The following ANKRD13C variants were observed in gnomAD, a reference collection of about 807,000 sequenced individuals.
ANKRD13C encodes ankyrin repeat domain-containing protein 13C.
In ANKRD13C, 16 loss-of-function variants were observed where a neutral mutation model predicts 65.5. The observed-to-expected ratio is 0.24, with a 90% CI of 0.17 to 0.37. The LOEUF (loss-of-function observed/expected upper bound fraction) is 0.37, where lower values mean the gene tolerates loss of function less well. Among genes scored for constraint, ANKRD13C ranks in the 10% least tolerant of loss-of-function variants. The pLI is 1.00. For missense variants in ANKRD13C, 503 were observed against 655.9 expected (o/e 0.77, Z 2.55); for synonymous variants, 235 against 238.7 (o/e 0.98, Z 0.14).
intron 9 of ANKRD13C, among the ~76,000 whole-genome samples, chr1:70,291,277 T>A (rs1679856646): frequency 6.6e-6 from 1 of 152,156 alleles, no homozygotes; most frequent in Admixed American, 6.5e-5. Context: ...CACCTTGGCC[T>A]CCCAAAGTGC....
At chr1:70,271,318 A>G (rs1678869215) in intron 11 of ANKRD13C, among the ~76,000 whole-genome samples, 1 of 152,170 alleles carries the variant, frequency 6.6e-6, no homozygotes, top group Non-Finnish European at 1.5e-5. Flanking sequence ...ATTGCTTCTT[A>G]TCTTTAAAGG....
At chr1:70,310,513 G>T (rs2101440486) in intron 5 of ANKRD13C, among the ~76,000 whole-genome samples, 1 of 152,170 alleles carries the variant, frequency 6.6e-6, no homozygotes, top group Middle Eastern at 3.4e-3. Context: ...TCTCAAAGAA[G>T]AAATACTTTG....
chr1:70,296,389 T>C (rs2101300264), intron 7 of ANKRD13C, 128 bp from the exon 8 acceptor site: 4 of 899,416 alleles, frequency 4.4e-6, no homozygotes, highest in East Asian at 5.1e-5. Flanking sequence ...TTCTAAATAA[T>C]GTGAAGTGTT....
chr1:70,327,917 T>C (rs1215167768), intron 2 of ANKRD13C, among the ~76,000 whole-genome samples: 2 of 151,838 alleles, frequency 1.3e-5, no homozygotes, highest in African/African-American at 2.4e-5. Context: ...ACAAAAAAAT[T>C]AGCCAGGCAT....
chr1:70,300,777 C>T lies in ANKRD13C; in HGVS notation c.908G>A (p.Arg303Gln), dbSNP rs747979372. 5 of 1,607,282 alleles carry T rather than the reference C, an allele frequency of 3.1e-6. No homozygotes were observed. Among genetic ancestry groups the T allele is most frequent in the South Asian group, 1.1e-5 (1 of 89,852 alleles). Residue 303 changes from arginine (R) to glutamine (Q), a missense_variant, in exon 7 of 13, where the codon CGA becomes CAA. This residue lies in a region of ANKRD13C where 300 missense variants were observed against 478.3 expected (regional missense o/e 0.63). Coordinates refer to ENST00000370944, the MANE Select transcript of ANKRD13C (RefSeq NM_030816.5). ...CAACATGCTCACCTCATGATGTATTCGCTGATAAACTTTTTGTTCATTGTC... is the reference window on the plus strand; with the variant it reads ...CAACATGCTCACCTCATGATGTATTTGCTGATAAACTTTTTGTTCATTGTC... ...VLDNEQKVYQ[R>Q]IHHEESEMET...
At position 70,328,073 on chromosome 1, in the gene ANKRD13C, TAAC is replaced by T. The variant is rs1000802742; in HGVS notation, c.473-3119_473-3117del. On this transcript the variant is annotated intron_variant, in intron 2 of 12. Transcript: ENST00000370944. ...AACACAAACAAATAAAACAAACAAA[TAAC>T]AACAAAAAAATTTATATATATAAAA... Among the ~76,000 whole-genome samples, 22 of 151,016 alleles carry T rather than the reference TAAC, an allele frequency of 1.5e-4. No homozygotes were observed. The East Asian group carries it at 2.5e-3, about 17-fold the overall frequency.
intron 2 of ANKRD13C, among the ~76,000 whole-genome samples, chr1:70,334,207 C>A (rs897435289): frequency 1.3e-5 from 2 of 151,966 alleles, no homozygotes; most frequent in African/African-American, 4.8e-5. Flanking sequence ...TGCATCTAGT[C>A]CTTGCTACTT....
intron 9 of ANKRD13C, 57 bp downstream of exon 9, chr1:70,292,331 G>T: frequency 7.4e-7 from 1 of 1,360,400 alleles, no homozygotes; most frequent in Non-Finnish European, 9.9e-7. Context: ...CACCAAGAAT[G>T]AAATCTATCC....
chr1:70,306,283 T>C lies in ANKRD13C; in HGVS notation c.717A>G (p.Leu239=). The C allele has an allele frequency of 6.4e-7, 1 of 1,561,162 alleles. No individual in the cohort carries two copies. Among genetic ancestry groups the C allele is most frequent in the Non-Finnish European group, 8.7e-7 (1 of 1,150,512 alleles). The change falls in exon 6 of 13, where the codon TTA becomes TTG. Residue 239 remains leucine (L), a synonymous_variant. Transcript: ENST00000370944. ...CATCGGAAGGCAGAATTCGGGAAAG[T>C]AAAGGCACTGTATTTTTAAAAACAA... ...LHWDFQSWVP[L]LSRILPSDAC...
intron 9 of ANKRD13C, among the ~76,000 whole-genome samples, chr1:70,277,191 C>T (rs1423395034): frequency 6.6e-6 from 1 of 152,228 alleles, no homozygotes; most frequent in Non-Finnish European, 1.5e-5. Flanking sequence ...GGCATAGTGG[C>T]TCATGCCGGT....
At chr1:70,321,838 T>C (rs1681321111) in intron 3 of ANKRD13C, among the ~76,000 whole-genome samples, 1 of 152,174 alleles carries the variant, frequency 6.6e-6, no homozygotes, top group African/African-American at 2.4e-5. Flanking sequence ...GTCTGTTTTG[T>C]GGTACAAGAA....
At chr1:70,344,666 C>G (rs1333907275) in intron 1 of ANKRD13C, among the ~76,000 whole-genome samples, 3 of 151,950 alleles carry the variant, frequency 2.0e-5, no homozygotes, top group African/African-American at 7.2e-5. Flanking sequence ...AATTACATAC[C>G]TAGAAACTGG....
chr1:70,322,159 A>G (rs1365695011), intron 3 of ANKRD13C, among the ~76,000 whole-genome samples: 1 of 152,176 alleles, frequency 6.6e-6, no homozygotes, highest in Non-Finnish European at 1.5e-5. Context: ...TACTAAAAAT[A>G]CAAAAATTAG....
chr1:70,312,884 TTAAGG>T (rs1486550573), intron 5 of ANKRD13C, among the ~76,000 whole-genome samples: 1 of 152,074 alleles, frequency 6.6e-6, no homozygotes, highest in African/African-American at 2.4e-5. Flanking sequence ...AAAAACCTTG[TTAAGG>T]TAAGTCAATA....
chr1:70,352,992 GC>G (rs1682813883), intron 1 of ANKRD13C, among the ~76,000 whole-genome samples: 2 of 152,026 alleles, frequency 1.3e-5, no homozygotes, highest in African/African-American at 2.4e-5. Context: ...TATTTCACAG[GC>G]AAATATTTCA....
intron 6 of ANKRD13C, among the ~76,000 whole-genome samples, chr1:70,303,796 A>AT (rs1201731408): frequency 2.0e-5 from 3 of 152,098 alleles, no homozygotes; most frequent in Non-Finnish European, 4.4e-5. Flanking sequence ...ATGTTAACAG[A>AT]TTTTTTCCTT....
At chr1:70,278,938 T>A (rs1336523373) in intron 9 of ANKRD13C, among the ~76,000 whole-genome samples, 1 of 152,122 alleles carries the variant, frequency 6.6e-6, no homozygotes, top group Non-Finnish European at 1.5e-5. Context: ...TGGTGCCTCA[T>A]GCCTATAATC....
chr1:70,281,759 C>T (rs72929247), intron 9 of ANKRD13C, among the ~76,000 whole-genome samples: 9,206 of 151,396 alleles, frequency 0.061, 926 homozygotes, highest in African/African-American at 0.21. Flanking sequence ...TCAGAATGGG[C>T]TCTCAAACAG....
chr1:70,265,276 G>A (rs1443853716), intron 12 of ANKRD13C, among the ~76,000 whole-genome samples: 2 of 152,056 alleles, frequency 1.3e-5, no homozygotes, highest in African/African-American at 4.8e-5. Context: ...GAGGGAGGAA[G>A]AAAACCAAGA....
Sources: allele counts gnomAD v4.1 joint callset (sites outside exome capture counted in the v4.1 genomes callset), GRCh38; gene constraint gnomAD v4.1.1; regional missense constraint gnomAD v4.1.1; transcripts MANE v1.5; gene names NCBI Gene and HGNC (gene_info 2026-07-23, HGNC 2026-07-21).